PARP8: variants seen among roughly 807,000 people sequenced by gnomAD.
PARP8 encodes the protein protein mono-ADP-ribosyltransferase PARP8.
Under a neutral mutation model 124.1 loss-of-function variants are expected in PARP8, and 51 were observed. The ratio of observed to expected loss-of-function variants is 0.41; its 90% CI spans 0.33 to 0.52. The LOEUF (loss-of-function observed/expected upper bound fraction) is 0.52. PARP8 is among the 20% of genes least tolerant of loss of function. The pLI is 0.21. For synonymous variants in PARP8, 391 were observed against 361.5 expected, an observed-to-expected ratio of 1.08 and a Z score of -0.93; for missense variants, 860 against 1,018.9, an observed-to-expected ratio of 0.84 and a Z score of 2.12.
At chr5:50,684,717 C>T (rs950462642) in intron 2 of PARP8, among the ~76,000 whole-genome samples, 2 of 152,110 alleles carry the variant, frequency 1.3e-5, no homozygotes, top group Non-Finnish European at 2.9e-5. Context: ...CATATTTATA[C>T]GTGGACTTTA....
chr5:50,797,804 A>C (rs1231763760), intron 14 of PARP8, among the ~76,000 whole-genome samples: 4 of 152,166 alleles, frequency 2.6e-5, no homozygotes, highest in African/African-American at 9.6e-5. Flanking sequence ...TTTTTTTGGA[A>C]TTTTTATTGC....
At chr5:50,726,202 C>T (rs1756414489) in intron 2 of PARP8, among the ~76,000 whole-genome samples, 1 of 152,020 alleles carries the variant, frequency 6.6e-6, no homozygotes, top group African/African-American at 2.4e-5. Flanking sequence ...CTTAGTAGCA[C>T]AGTGACTTTG....
chr5:50,678,531 T>C (rs73752754), intron 2 of PARP8, among the ~76,000 whole-genome samples: 148 of 152,284 alleles, frequency 9.7e-4, no homozygotes, highest in African/African-American at 3.4e-3. Context: ...TTGATATATA[T>C]AGGTACATAT....
At position 50,822,421 on chromosome 5, in the gene PARP8, T is replaced by C. The variant is rs774027645; in HGVS notation, c.1860+21T>C. On this transcript the variant is annotated intron_variant, in intron 17 of 25. Transcript: ENST00000281631. ...CACAAGTAAGTATGTCATCTGGTCT[T>C]GTACAGTATATTTTTAAAATGTCTG... The C allele has an allele frequency of 1.9e-6, 3 of 1,556,224 alleles. No homozygotes were observed. In the Admixed American group the frequency reaches 5.2e-5, roughly 27 times the overall value.
At chr5:50,712,686 A>C in intron 2 of PARP8, among the ~76,000 whole-genome samples, 1 of 152,112 alleles carries the variant, frequency 6.6e-6, no homozygotes, top group East Asian at 1.9e-4. Flanking sequence ...AGCAGCAAAC[A>C]TTATAGTATA....
At chr5:50,776,305 G>T (rs926478570) in intron 7 of PARP8, among the ~76,000 whole-genome samples, 3 of 152,086 alleles carry the variant, frequency 2.0e-5, no homozygotes, top group Admixed American at 6.5e-5. Context: ...TTTTGTTGAG[G>T]ATATTTGCAT....
rs112667396 is a variant in PARP8, at chr5:50,835,084, T to A, written c.2462+69T>A. 2.5e-4 allele frequency: 337 copies of A among 1,338,272 alleles called. 1 individual carries two copies. In the African/African-American group the frequency reaches 4.5e-3, roughly 18 times the overall value. The allele number at this position is 1,338,272 out of a possible 1,614,324, so 82.9% of individuals were successfully genotyped here. On this transcript the variant is annotated intron_variant, in intron 25 of 25. Coordinates refer to ENST00000281631, the MANE Select transcript of PARP8 (RefSeq NM_024615.4). Reference sequence around the variant, plus strand: ...AAATGGGTTAGTGGTGACTGAATTATCGTTTGGTCTCTTTAGCTGCCAAAA... The same window carrying A: ...AAATGGGTTAGTGGTGACTGAATTAACGTTTGGTCTCTTTAGCTGCCAAAA...
At chr5:50,698,232 C>A (rs1753233201) in intron 2 of PARP8, among the ~76,000 whole-genome samples, 1 of 152,160 alleles carries the variant, frequency 6.6e-6, no homozygotes, top group African/African-American at 2.4e-5. Context: ...AAGAAAACCT[C>A]AGAGAACAAA....
intron 2 of PARP8, among the ~76,000 whole-genome samples, chr5:50,737,848 T>C (rs572827396): frequency 2.3e-4 from 35 of 152,324 alleles, no homozygotes; most frequent in African/African-American, 8.4e-4. Context: ...TACATATTCA[T>C]TGGCTTAAGA....
chr5:50,826,257 A>G (rs1194006469), intron 18 of PARP8, among the ~76,000 whole-genome samples: 3 of 152,086 alleles, frequency 2.0e-5, no homozygotes, highest in East Asian at 3.9e-4. Flanking sequence ...TTTCAACTGC[A>G]GAGTCTACGT....
chr5:50,754,287 C>G (rs1759657398), intron 3 of PARP8, among the ~76,000 whole-genome samples: 1 of 151,188 alleles, frequency 6.6e-6, no homozygotes, highest in Non-Finnish European at 1.5e-5. Flanking sequence ...CACCCATTAA[C>G]TCATCATTTA....
intron 2 of PARP8, among the ~76,000 whole-genome samples, chr5:50,723,200 A>G (rs895333253): frequency 2.0e-5 from 3 of 152,160 alleles, no homozygotes; most frequent in Admixed American, 6.6e-5. Context: ...AAATTAAAAA[A>G]TATTTATAAT....
chr5:50,821,111 T>C, intron 15 of PARP8, 102 bp from the exon 16 acceptor site: 4 of 1,383,242 alleles, frequency 2.9e-6, no homozygotes, highest in Non-Finnish European at 4.1e-6. Flanking sequence ...GTAGCAGTCC[T>C]GATCTTCCTC....
At chr5:50,732,742 C>T (rs905506710) in intron 2 of PARP8, among the ~76,000 whole-genome samples, 8 of 151,834 alleles carry the variant, frequency 5.3e-5, no homozygotes, top group African/African-American at 1.7e-4. Context: ...CCTCAGCCTC[C>T]TGAGTAGCTG....
At chr5:50,737,252 T>C (rs1262814800) in intron 2 of PARP8, among the ~76,000 whole-genome samples, 2 of 152,170 alleles carry the variant, frequency 1.3e-5, no homozygotes, top group South Asian at 2.1e-4. Context: ...TGTTCCTTAA[T>C]AGTTGCTTGC....
In PARP8 at chr5:50,832,735, A is replaced by G. The variant is rs1220287059; in HGVS notation, c.2234-46A>G. 3.2e-6 allele frequency: 5 copies of G among 1,583,650 alleles called. No individual in the cohort carries two copies. The Admixed American group carries it at 5.0e-5, about 16-fold the overall frequency. ...GTAGGTCGATTGTACTTTCAGCTGC[A>G]TCAGACAGCTTTGTCCCTAAATTAT... On this transcript the variant is annotated intron_variant, in intron 22 of 25. Coordinates refer to ENST00000281631, the MANE Select transcript of PARP8 (RefSeq NM_024615.4).
chr5:50,753,450 T>TA (rs1759479544), intron 3 of PARP8, among the ~76,000 whole-genome samples: 1 of 152,122 alleles, frequency 6.6e-6, no homozygotes, highest in Non-Finnish European at 1.5e-5. Context: ...AAAAATATAA[T>TA]TGTTTTTATA....
In PARP8 at chr5:50,666,887, T is replaced by A. The variant is rs1023885024; in HGVS notation, c.-209T>A. The A allele has an allele frequency of 2.2e-6, 3 of 1,392,272 alleles. No homozygotes were observed. Among genetic ancestry groups the A allele is most frequent in the Admixed American group, 6.1e-5 (2 of 32,830 alleles). The allele number at this position is 1,392,272 out of a possible 1,614,324, so 86.2% of individuals were successfully genotyped here. On this transcript the variant is annotated 5_prime_UTR_variant, in exon 1 of 26. It removes an upstream start codon present in the reference 5' UTR. Transcript: ENST00000281631. ...GCAGCTGGGCGGTCACATCTGGGAATGCAAAGCCGACCTCCCCCTCCTCCT... is the reference window on the plus strand; with the variant it reads ...GCAGCTGGGCGGTCACATCTGGGAAAGCAAAGCCGACCTCCCCCTCCTCCT...
intron 2 of PARP8, among the ~76,000 whole-genome samples, chr5:50,703,794 C>T (rs1447005030): frequency 6.6e-6 from 1 of 151,964 alleles, no homozygotes; most frequent in South Asian, 2.1e-4. Context: ...ACCTGTGGTC[C>T]GAGCTACTCT....
Sources: gnomAD v4.1 joint callset for allele counts (sites outside exome capture counted in the v4.1 genomes callset) on GRCh38, gnomAD v4.1.1 for gene constraint, MANE v1.5 for transcripts, NCBI Gene and HGNC (gene_info 2026-07-23, HGNC 2026-07-21) for gene names.